Variants in KLHL32 observed in about 807,000 individuals in gnomAD.
The protein encoded by KLHL32 is kelch like family member 32.
A neutral mutation model predicts 64.8 loss-of-function variants in KLHL32; 35 were observed. That is an observed-to-expected ratio of 0.54 (90% CI 0.41 to 0.72). The LOEUF is 0.72. Ranked by LOEUF, KLHL32 falls within the 30% of genes least tolerant of loss-of-function variation. The pLI, the probability that KLHL32 is intolerant of heterozygous loss-of-function variation, is 0.00. For missense variants in KLHL32, 589 were observed against 768.5 expected, an observed-to-expected ratio of 0.77 and a Z score of 2.76; for synonymous variants, 259 against 281.0, an observed-to-expected ratio of 0.92 and a Z score of 0.78.
intron 7 of KLHL32, 81 bp from the exon 8 acceptor site, chr6:97,127,323 C>G: frequency 8.4e-7 from 1 of 1,193,390 alleles, no homozygotes; most frequent in Non-Finnish European, 1.2e-6. Context: ...GCTAATTCTC[C>G]TTTAATTGTA....
At chr6:96,989,085 C>T (rs1387818742) in intron 3 of KLHL32, among the ~76,000 whole-genome samples, 1 of 151,986 alleles carries the variant, frequency 6.6e-6, no homozygotes, top group African/African-American at 2.4e-5. Context: ...GCACATGTAC[C>T]CTAAAATTTA....
At chr6:96,994,177 G>C (rs1489351632) in intron 3 of KLHL32, among the ~76,000 whole-genome samples, 1 of 152,160 alleles carries the variant, frequency 6.6e-6, no homozygotes, top group Non-Finnish European at 1.5e-5. Flanking sequence ...ACAGTCACAT[G>C]CCCTAAACTA....
rs1781903846 is a variant in KLHL32 at position 97,020,952 on chromosome 6, A to G, written c.205-20540A>G. On this transcript the variant is annotated intron_variant, in intron 3 of 10. Coordinates refer to ENST00000369261, the MANE Select transcript of KLHL32 (RefSeq NM_052904.4). Reference sequence around the variant, plus strand: ...TGATCTCACAGGATCTCACACATACATGTATTCCTATATGATGATGTATTA... The same window carrying G: ...TGATCTCACAGGATCTCACACATACGTGTATTCCTATATGATGATGTATTA... Among the ~76,000 whole-genome samples, 3 of 150,792 alleles carry G rather than the reference A, an allele frequency of 2.0e-5. 1 individual carries two copies. Among genetic ancestry groups the G allele is most frequent in the African/African-American group, 7.5e-5 (3 of 40,120 alleles).
chr6:97,097,729 T>A (rs1376777117), intron 6 of KLHL32, among the ~76,000 whole-genome samples: 1 of 152,130 alleles, frequency 6.6e-6, no homozygotes, highest in African/African-American at 2.4e-5. Context: ...ACTTTAAAAA[T>A]CCGTCCTTAT....
At chr6:97,088,981 CTATATAGAAAAATATAACATCAATTCT>C in intron 6 of KLHL32, among the ~76,000 whole-genome samples, 1 of 152,294 alleles carries the variant, frequency 6.6e-6, no homozygotes, top group South Asian at 2.1e-4. Context: ...TAGAAAAAGC[CTATATAGAAAAATATAACATCAATTCT>C]TATACACACT....
intron 3 of KLHL32, among the ~76,000 whole-genome samples, chr6:96,999,816 C>A (rs1014085042): frequency 6.6e-6 from 1 of 152,112 alleles, no homozygotes; most frequent in African/African-American, 2.4e-5. Flanking sequence ...ACCACATGCA[C>A]GTAATTCACC....
intron 3 of KLHL32, among the ~76,000 whole-genome samples, chr6:97,029,499 T>C (rs573808961): frequency 6.6e-6 from 1 of 152,106 alleles, no homozygotes; most frequent in South Asian, 2.1e-4. Flanking sequence ...TGTTTTAGTT[T>C]GTCTTGTGAT....
intron 5 of KLHL32, among the ~76,000 whole-genome samples, chr6:97,070,097 C>T (rs1206156265): frequency 3.9e-5 from 6 of 151,968 alleles, no homozygotes; most frequent in African/African-American, 1.5e-4. Flanking sequence ...TTAGAGAAGA[C>T]AAATGATTGT....
rs191153351 is a variant in KLHL32, at chr6:97,070,735, T to A, written c.411+6009T>A. ...TCAGCTGGGTGATTTTAAAATCACT[T>A]TCAGTATGCATTTTTCTTCTTAAAA... On this transcript the variant is annotated intron_variant, in intron 5 of 10. Coordinates refer to ENST00000369261, the MANE Select transcript of KLHL32 (RefSeq NM_052904.4). Among the ~76,000 whole-genome samples the A allele has an allele frequency of 2.6e-3, 395 of 152,324 alleles. 3 individuals are homozygous for A. The highest frequency in any genetic ancestry group is 9.0e-3 in the African/African-American group (374 of 41,576).
intron 3 of KLHL32, among the ~76,000 whole-genome samples, chr6:97,029,253 C>T (rs1227432131): frequency 6.6e-6 from 1 of 152,046 alleles, no homozygotes; most frequent in African/African-American, 2.4e-5. Context: ...TTGAAGAGCT[C>T]ATTATCACTG....
In KLHL32 at chr6:97,011,435, G is replaced by T. The variant is rs926637088; in HGVS notation, c.205-30057G>T. Among the ~76,000 whole-genome samples the T allele has an allele frequency of 4.6e-5, 7 of 152,332 alleles. No individual in the cohort carries two copies. The East Asian group carries it at 1.3e-3, about 29-fold the overall frequency. On this transcript the variant is annotated intron_variant, in intron 3 of 10. Coordinates refer to ENST00000369261, the MANE Select transcript of KLHL32 (RefSeq NM_052904.4). ...GACAATTATTAATTACTAATCACAA[G>T]TATGTGTGTGGTGGGAGTGAATCTC... is the stretch of plus-strand genomic sequence containing the variant.
chr6:97,112,528 G>C (rs1343299522), intron 6 of KLHL32, among the ~76,000 whole-genome samples: 2 of 151,370 alleles, frequency 1.3e-5, no homozygotes, highest in Non-Finnish European at 2.9e-5. Flanking sequence ...CTCACTGTAA[G>C]CTCCACCTCC....
At chr6:96,954,408 C>A (rs544054835) in intron 1 of KLHL32, among the ~76,000 whole-genome samples, 6 of 126,184 alleles carry the variant, frequency 4.8e-5, no homozygotes, top group African/African-American at 1.5e-4. Context: ...AGAAAAAAAA[C>A]TGGCTGGAAG....
upstream of KLHL32, chr6:96,924,698 T>G (rs1402296054): frequency 6.6e-6 from 1 of 152,208 alleles, no homozygotes; most frequent in East Asian, 1.9e-4. Flanking sequence ...CAGCGGGACG[T>G]GCCACCTGCA....
At chr6:96,967,152 G>A in intron 2 of KLHL32, 69 bp downstream of exon 2, 1 of 1,423,624 alleles carries the variant, frequency 7.0e-7, no homozygotes, top group Non-Finnish European at 9.9e-7. Context: ...CACGTTCTAG[G>A]ATCAAGCACA....
Position 96,995,965 on chromosome 6 carries a change from A to G in KLHL32, c.204+19788A>G, listed in dbSNP as rs1180282548. ...GTCCACCAAACTACTGTTGAACACTATTAAGTGAGGAAGTATTGAAACAGA... is the reference window on the plus strand; with the variant it reads ...GTCCACCAAACTACTGTTGAACACTGTTAAGTGAGGAAGTATTGAAACAGA... On this transcript the variant is annotated intron_variant, in intron 3 of 10. Transcript: ENST00000369261. Among the ~76,000 whole-genome samples, 3 of 152,348 alleles carry G rather than the reference A, an allele frequency of 2.0e-5. No homozygotes were observed. The South Asian group carries it at 6.2e-4, about 32-fold the overall frequency.
intron 5 of KLHL32, among the ~76,000 whole-genome samples, chr6:97,069,330 A>G (rs1249771022): frequency 2.6e-5 from 4 of 152,030 alleles, no homozygotes; most frequent in African/African-American, 9.7e-5. Context: ...CTCTTCAGTT[A>G]AGGTACAAAG....
intron 2 of KLHL32, among the ~76,000 whole-genome samples, chr6:96,973,730 C>CTCTTTTTTTTTTTTTTT (rs1554208428): frequency 3.8e-4 from 45 of 118,260 alleles, no homozygotes; most frequent in African/African-American, 1.5e-3. Context: ...TACAGATTGC[C>CTCTTTTTTTTTTTTTTT]TTTTTTTTTT....
chr6:97,090,011 A>G (rs908683127), intron 6 of KLHL32, among the ~76,000 whole-genome samples: 1 of 152,078 alleles, frequency 6.6e-6, no homozygotes, highest in Admixed American at 6.6e-5. Context: ...GTTATGTCCT[A>G]TTTTAGTGTG....
Sources: gnomAD v4.1 joint callset for allele counts (sites outside exome capture counted in the v4.1 genomes callset) on GRCh38, gnomAD v4.1.1 for gene constraint, MANE v1.5 for transcripts, NCBI Gene and HGNC (gene_info 2026-07-23, HGNC 2026-07-21) for gene names.